FOXP1: variants seen among roughly 807,000 people sequenced by gnomAD.
FOXP1 encodes the protein forkhead box P1.
FOXP1 carries 15 observed loss-of-function variants against 98.2 expected under a neutral mutation model. The observed-to-expected ratio is 0.15, with a 90% CI of 0.10 to 0.24. FOXP1 has a LOEUF of 0.24. FOXP1 is among the 10% of genes least tolerant of loss of function. FOXP1 has a pLI of 1.00. For missense variants in FOXP1, 633 were observed against 848.5 expected, an observed-to-expected ratio of 0.75 and a Z score of 3.15; for synonymous variants, 371 against 314.5, an observed-to-expected ratio of 1.18 and a Z score of -1.90.
intron 2 of FOXP1, among the ~76,000 whole-genome samples, chr3:71,532,859 G>C (rs1201514585): frequency 1.3e-5 from 2 of 152,112 alleles, no homozygotes; most frequent in Non-Finnish European, 2.9e-5. Context: ...TTCATAATTT[G>C]TTTTTAAGCA....
intron 12 of FOXP1, among the ~76,000 whole-genome samples, chr3:71,014,294 G>GA (rs1189721174): frequency 6.6e-6 from 1 of 151,966 alleles, no homozygotes; most frequent in Non-Finnish European, 1.5e-5. Flanking sequence ...TAATTTACAA[G>GA]AAAAAAATCA....
chr3:71,323,721 T>A (rs988938858), intron 4 of FOXP1, among the ~76,000 whole-genome samples: 1 of 152,292 alleles, frequency 6.6e-6, no homozygotes, highest in South Asian at 2.1e-4. Context: ...TTTTCACGAG[T>A]ACTTATGCAA....
intron 5 of FOXP1, among the ~76,000 whole-genome samples, chr3:71,276,955 C>CT (rs34014285): frequency 0.027 from 3,548 of 129,456 alleles, 76 homozygotes; most frequent in Non-Finnish European, 0.039. Context: ...AGTAGATCAA[C>CT]TTTTTTTTTT....
At chr3:71,433,185 G>A (rs2084893687) in intron 3 of FOXP1, among the ~76,000 whole-genome samples, 1 of 152,146 alleles carries the variant, frequency 6.6e-6, no homozygotes, top group African/African-American at 2.4e-5. Context: ...TAAGACTTCA[G>A]CCATCAAATG....
chr3:71,354,280 G>GAA (rs541544044), intron 4 of FOXP1, among the ~76,000 whole-genome samples: 46 of 145,162 alleles, frequency 3.2e-4, no homozygotes, highest in Admixed American at 4.1e-4. Context: ...TCCGTCTCCA[G>GAA]AAAAAAAAAA....
At chr3:71,381,104 A>G (rs529634339) in intron 3 of FOXP1, among the ~76,000 whole-genome samples, 2 of 150,962 alleles carry the variant, frequency 1.3e-5, no homozygotes, top group African/African-American at 4.9e-5. Context: ...GTAAATTACA[A>G]TTAGTTTTAT....
intron 6 of FOXP1, among the ~76,000 whole-genome samples, chr3:71,126,886 AAAAC>A (rs1269159157): frequency 2.9e-5 from 3 of 101,706 alleles, no homozygotes; most frequent in African/African-American, 9.1e-5. Context: ...AAAAAAAACA[AAAAC>A]AAAAAAAAAA....
intron 2 of FOXP1, among the ~76,000 whole-genome samples, chr3:71,561,461 TCACCAC>T (rs2046532057): frequency 6.7e-6 from 1 of 149,062 alleles, no homozygotes; most frequent in South Asian, 2.1e-4. Flanking sequence ...AGGTCCCTAG[TCACCAC>T]GACCCGTTGT....
chr3:71,052,350 T>A (rs1441327833), intron 9 of FOXP1, among the ~76,000 whole-genome samples, 187 bp downstream of exon 9: 1 of 152,106 alleles, frequency 6.6e-6, no homozygotes, highest in Non-Finnish European at 1.5e-5. Flanking sequence ...ATAAAATATG[T>A]GGCAGCAAGC....
chr3:71,203,199 C>T (rs148429137), intron 5 of FOXP1, among the ~76,000 whole-genome samples: 21 of 152,268 alleles, frequency 1.4e-4, no homozygotes, highest in African/African-American at 5.1e-4. Flanking sequence ...ATCACGTGAT[C>T]CATTTAATAT....
chr3:71,327,952 C>T (rs960221112), intron 4 of FOXP1, among the ~76,000 whole-genome samples: 1 of 152,152 alleles, frequency 6.6e-6, no homozygotes, highest in Non-Finnish European at 1.5e-5. Context: ...TTCCCCCAAC[C>T]TCTCTACACA....
At chr3:70,964,845 C>A (rs925857867) in intron 20 of FOXP1, among the ~76,000 whole-genome samples, 4 of 152,058 alleles carry the variant, frequency 2.6e-5, no homozygotes, top group Non-Finnish European at 5.9e-5. Context: ...TTCCACGTAC[C>A]CTCCAAATTA....
chr3:71,298,464 CAAAAAGAAAAAAAAAGAA>C (rs2073547532), intron 5 of FOXP1, among the ~76,000 whole-genome samples: 2 of 141,404 alleles, frequency 1.4e-5, no homozygotes, highest in Non-Finnish European at 3.1e-5. Flanking sequence ...AACTCCGTCT[CAAAAAGAAAAAAAAAGAA>C]AAAAAGAAAA....
intron 2 of FOXP1, among the ~76,000 whole-genome samples, chr3:71,541,294 C>T (rs1438930632): frequency 6.6e-6 from 1 of 151,946 alleles, no homozygotes. Context: ...GTAGACATAC[C>T]CTAGAAGAGA....
chr3:71,499,447 C>G (rs1417455701), intron 2 of FOXP1, among the ~76,000 whole-genome samples: 9 of 152,214 alleles, frequency 5.9e-5, no homozygotes, highest in Admixed American at 5.2e-4. Flanking sequence ...TAAACACGCA[C>G]AAGTATACAT....
At chr3:71,261,667 G>A (rs538036981) in intron 5 of FOXP1, among the ~76,000 whole-genome samples, 2 of 152,120 alleles carry the variant, frequency 1.3e-5, no homozygotes, top group Admixed American at 6.5e-5. Context: ...GAACAATTGT[G>A]AAAACATTCG....
chr3:71,026,472 G>C (rs1011267535), intron 11 of FOXP1, among the ~76,000 whole-genome samples: 1 of 152,202 alleles, frequency 6.6e-6, no homozygotes, highest in Admixed American at 6.5e-5. Flanking sequence ...GGGGATGGCA[G>C]AGCCTCACGG....
chr3:71,109,201 C>A (rs763683256), intron 7 of FOXP1, among the ~76,000 whole-genome samples: 1 of 152,134 alleles, frequency 6.6e-6, no homozygotes, highest in South Asian at 2.1e-4. Context: ...CAAAGAGTGC[C>A]ATTTCTCTCT....
intron 2 of FOXP1, chr3:71,570,300 T>C (rs917543130): frequency 3.3e-5 from 5 of 152,030 alleles, no homozygotes; most frequent in Admixed American, 2.6e-4. Flanking sequence ...GATATGGCTA[T>C]GGATAATGGT....
Sources: allele counts gnomAD v4.1 joint callset (sites outside exome capture counted in the v4.1 genomes callset), GRCh38; gene constraint gnomAD v4.1.1; transcripts MANE v1.5; gene names NCBI Gene and HGNC (gene_info 2026-07-23, HGNC 2026-07-21).